Variants in RPL10 observed in about 807,000 individuals in gnomAD.
RPL10 encodes the protein large ribosomal subunit protein uL16.
In RPL10, 1 loss-of-function variant was observed where a neutral mutation model predicts 15.7. The ratio of observed to expected loss-of-function variants is 0.06; its 90% CI spans 0.02 to 0.30. The LOEUF is 0.30. Among genes scored for constraint, RPL10 ranks in the 10% least tolerant of loss-of-function variants. The pLI, the probability that RPL10 is intolerant of heterozygous loss-of-function variation, is 1.00. For synonymous variants in RPL10, 59 were observed against 64.0 expected (o/e 0.92, Z 0.37); for missense variants, 54 against 183.4 (o/e 0.29, Z 4.08).
Position 154,399,546 on chromosome X carries a change from C to T in RPL10, c.142C>T (p.Leu48Phe). The stretch of plus-strand genomic sequence containing the variant: ...AAAGGCAAAAGTGGATGAGTTTCCG[C>T]TTTGTGGCCACATGGTGTCAGATGA... The part of the protein sequence containing the change: ...RKKAKVDEFP[L>F]CGHMVSDEYE... The change falls in exon 4 of 7, where the codon CTT (leucine) becomes TTT (phenylalanine). Residue 48 changes from leucine to phenylalanine, a missense_variant. Around this residue, in one of 3 missense-constraint regions of RPL10, gnomAD observed 22 missense variants for 73.0 expected, o/e 0.30. Transcript: ENST00000369817. 8.3e-7 allele frequency: 1 copy of T among 1,211,849 alleles called. No individual in the cohort carries two copies. The highest frequency in any genetic ancestry group is 1.1e-6 in the Non-Finnish European group (1 of 895,556).
Position 154,400,107 on chromosome X carries a change from G to T in RPL10, c.329+166G>T, listed in dbSNP as rs1347884154. ...TGGTCACTCAGGACCCCTTCCTGCA[G>T]ATACAAACAAAGCATGAGTAAGTCT... On this transcript the variant is annotated intron_variant, in intron 5 of 6. Transcript: ENST00000369817. The T allele has an allele frequency of 1.5e-5, 9 of 611,635 alleles. No homozygotes were observed. In the African/African-American group the frequency reaches 1.8e-4, roughly 12 times the overall value. 50.4% of individuals were successfully genotyped at this position (611,635 alleles called of 1,213,427 possible).
chrX:154,400,406 G>T, intron 5 of RPL10, 58 bp from the exon 6 acceptor site: 1 of 1,166,547 alleles, frequency 8.6e-7, no homozygotes, highest in Non-Finnish European at 1.2e-6. Flanking sequence ...AAGGGACCTT[G>T]GAGACAGGCC....
chrX:154,399,091 G>C (rs1557185098), intron 2 of RPL10: 1 of 458,370 alleles, frequency 2.2e-6, no homozygotes, highest in Non-Finnish European at 3.9e-6. Context: ...GTTGCAAAGT[G>C]TTTATAGGAA....
Position 154,402,307 on chromosome X carries a change from T to G in RPL10, c.*1453T>G, listed in dbSNP as rs1413263607. 6.8e-6 allele frequency: 1 copy of G among 147,451 alleles called. No homozygotes were observed. Among genetic ancestry groups the G allele is most frequent in the East Asian group, 1.9e-4 (1 of 5,186 alleles). The allele number at this position is 147,451 out of a possible 1,213,427, so 12.2% of individuals were successfully genotyped here. A position where few individuals can be genotyped will look rare whatever the true frequency, so the allele number is the denominator to read the frequency against. ...ATGGTTTCCTGGTGATTCTTACCAA[T>G]CCACAATAAACATGGCCCATTGGCA... is the stretch of plus-strand genomic sequence containing the variant. On this transcript the variant is annotated 3_prime_UTR_variant, in exon 7 of 7. Transcript: ENST00000369817.
rs1336093971 is a variant in RPL10 at position 154,401,066 on chromosome X, C to T, written c.*212C>T. ...AGGGCTGGGACTGGTGGCCTTATGT[C>T]AGTTGTCTACTCTGGAGCTTGACTT... On this transcript the variant is annotated 3_prime_UTR_variant, in exon 7 of 7. Transcript: ENST00000369817. The T allele has an allele frequency of 9.4e-7, 1 of 1,066,334 alleles. No individual in the cohort carries two copies. Among genetic ancestry groups the T allele is most frequent in the African/African-American group, 1.8e-5 (1 of 54,142 alleles). 87.9% of individuals were successfully genotyped at this position (1,066,334 alleles called of 1,213,427 possible). A position where few individuals can be genotyped will look rare whatever the true frequency, so the allele number is the denominator to read the frequency against.
intron 5 of RPL10, 108 bp downstream of exon 5, chrX:154,400,049 A>G (rs1397124373): frequency 3.0e-6 from 3 of 1,007,471 alleles, no homozygotes; most frequent in Non-Finnish European, 4.2e-6. Context: ...CACTATGGCT[A>G]CTAGAAAAGC....
At chrX:154,398,357 A>G (rs781834426), upstream of RPL10, 2 of 648,889 alleles carry the variant, frequency 3.1e-6, no homozygotes, top group Admixed American at 4.4e-5. Flanking sequence ...TATATAAGCC[A>G]TGCGCAGGCG....
chrX:154,398,069 A>G, upstream of RPL10: 3 of 274,498 alleles, frequency 1.1e-5, no homozygotes, highest in South Asian at 1.1e-4. Context: ...TCTCAGAAAT[A>G]TACGTCTGTC....
At chrX:154,398,376 C>T (rs11558113), upstream of RPL10, 5 of 750,424 alleles carry the variant, frequency 6.7e-6, no homozygotes, top group East Asian at 3.2e-5. Flanking sequence ...CGGAGGAGCG[C>T]CTCTTTCCCT....
At chrX:154,398,905 C>T in intron 2 of RPL10, 1 of 359,707 alleles carries the variant, frequency 2.8e-6, no homozygotes, top group South Asian at 3.7e-5. Context: ...AAAACGGGTG[C>T]GGCCGCCTCC....
chrX:154,399,473 C>A lies in RPL10; in HGVS notation c.83-14C>A, dbSNP rs782217810. On this transcript the variant is annotated splice_polypyrimidine_tract_variant and intron_variant, in intron 3 of 6. Coordinates refer to ENST00000369817, the MANE Select transcript of RPL10 (RefSeq NM_006013.5). ...GTCTGTGACACCCCCTGCACACTTACCCAATCCTTTTAGATGCCAAGATTC... is the reference window on the plus strand; with the variant it reads ...GTCTGTGACACCCCCTGCACACTTAACCAATCCTTTTAGATGCCAAGATTC... 1 of 1,211,505 alleles carries A rather than the reference C, an allele frequency of 8.3e-7. No homozygotes were observed. Among genetic ancestry groups the A allele is most frequent in the South Asian group, 1.8e-5 (1 of 57,024 alleles).
Position 154,400,316 on chromosome X carries a change from A to G in RPL10, c.330-148A>G, listed in dbSNP as rs782168365. Reference sequence around the variant, plus strand: ...TTAAGCCGACTGAGTTCCTTTCCTCATGGGGACCCAGTGTGCGATGGCTGC... The same window carrying G: ...TTAAGCCGACTGAGTTCCTTTCCTCGTGGGGACCCAGTGTGCGATGGCTGC... On this transcript the variant is annotated intron_variant, in intron 5 of 6. Coordinates refer to ENST00000369817, the MANE Select transcript of RPL10 (RefSeq NM_006013.5). 20 of 669,473 alleles carry G rather than the reference A, an allele frequency of 3.0e-5. No homozygotes were observed. The East Asian group carries it at 4.5e-4, about 15-fold the overall frequency. The allele number at this position is 669,473 out of a possible 1,213,427, so 55.2% of individuals were successfully genotyped here.
In RPL10 at chrX:154,401,681, G is replaced by A. The variant is rs972866984; in HGVS notation, c.*827G>A. 8 of 111,989 alleles carry A rather than the reference G, an allele frequency of 7.1e-5. No homozygotes were observed. Among genetic ancestry groups the A allele is most frequent in the Non-Finnish European group, 1.1e-4 (6 of 53,123 alleles). The allele number at this position is 111,989 out of a possible 1,213,427, so 9.2% of individuals were successfully genotyped here. On this transcript the variant is annotated 3_prime_UTR_variant, in exon 7 of 7. Transcript: ENST00000369817. ...AAAGGCTTTTGGTCCCAGAGCTGGG[G>A]TATGTTGGCCCCAGCCCCCAGCCTG...
Position 154,401,205 on chromosome X carries a change from C to CT in RPL10, c.*353dup. On this transcript the variant is annotated 3_prime_UTR_variant, in exon 7 of 7. Coordinates refer to ENST00000369817, the MANE Select transcript of RPL10 (RefSeq NM_006013.5). ...CTGGGGTCAGCCTACAGTTGTGTTG[C>CT]TTATTACAACACATGCGGACCAAGA... 3.3e-6 allele frequency: 1 copy of CT among 301,651 alleles called. No individual in the cohort carries two copies. Among genetic ancestry groups the CT allele is most frequent in the Admixed American group, 5.0e-5 (1 of 20,164 alleles). The allele number at this position is 301,651 out of a possible 1,213,427, so 24.9% of individuals were successfully genotyped here.
Position 154,400,739 on chromosome X carries a change from A to G in RPL10, c.530A>G (p.Asn177Ser), listed in dbSNP as rs1443570844. The G allele has an allele frequency of 2.5e-6, 3 of 1,209,734 alleles. No individual in the cohort carries two copies. The highest frequency in any genetic ancestry group is 1.8e-5 in the South Asian group (1 of 56,828). Residue 177 changes from asparagine to serine, a missense_variant, in exon 7 of 7, where the codon AAT becomes AGT. Around this residue, in one of 3 missense-constraint regions of RPL10, gnomAD observed 32 missense variants for 76.0 expected, o/e 0.42. Transcript: ENST00000369817. ...AAGAAGTGGGGCTTCACCAAGTTCAATGCTGATGAATTTGAAGACATGGTG... is the reference window on the plus strand; with the variant it reads ...AAGAAGTGGGGCTTCACCAAGTTCAGTGCTGATGAATTTGAAGACATGGTG... ...ISKKWGFTKF[N>S]ADEFEDMVAE...
intron 2 of RPL10, chrX:154,398,786 A>G (rs1018523045): frequency 2.3e-6 from 1 of 442,268 alleles, no homozygotes; most frequent in Non-Finnish European, 4.0e-6. Flanking sequence ...CTGCAAGCTC[A>G]CCGCATTTTC....
chrX:154,399,455 A>G, intron 3 of RPL10, 32 bp from the exon 4 acceptor site: 1 of 1,209,446 alleles, frequency 8.3e-7, no homozygotes. Flanking sequence ...TCCGTCTGTG[A>G]CACCCCCTGC....
At chrX:154,398,708 T>A in intron 2 of RPL10, 166 bp downstream of exon 2, 1 of 578,108 alleles carries the variant, frequency 1.7e-6, no homozygotes, top group Non-Finnish European at 2.9e-6. Flanking sequence ...GTCTGCAATA[T>A]TACTGTCTGT....
chrX:154,402,281 A>C lies in RPL10; in HGVS notation c.*1427A>C. On this transcript the variant is annotated 3_prime_UTR_variant, in exon 7 of 7. Coordinates refer to ENST00000369817, the MANE Select transcript of RPL10 (RefSeq NM_006013.5). The stretch of plus-strand genomic sequence containing the variant: ...ACCCTCCTTGTAGCTATTGGGGCTT[A>C]ATGGTTTCCTGGTGATTCTTACCAA... 7.1e-6 allele frequency: 1 copy of C among 141,780 alleles called. No individual in the cohort carries two copies. Among genetic ancestry groups the C allele is most frequent in the Non-Finnish European group, 1.4e-5 (1 of 70,921 alleles). The allele number at this position is 141,780 out of a possible 1,213,427, so 11.7% of individuals were successfully genotyped here. A position where few individuals can be genotyped will look rare whatever the true frequency, so the allele number is the denominator to read the frequency against.
Sources: gnomAD v4.1 joint callset for allele counts on GRCh38, gnomAD v4.1.1 for gene constraint, gnomAD v4.1.1 regional missense constraint, MANE v1.5 for transcripts, NCBI Gene and HGNC (gene_info 2026-07-23, HGNC 2026-07-21) for gene names.